RAD51B: variants seen among roughly 807,000 people sequenced by gnomAD.
The protein encoded by RAD51B is RAD51 paralog B.
In RAD51B, 38 loss-of-function variants were observed where a neutral mutation model predicts 42.2. That is an observed-to-expected ratio of 0.90 (90% CI 0.70 to 1.18). The LOEUF (loss-of-function observed/expected upper bound fraction) is 1.18, where lower values mean the gene tolerates loss of function less well. Among genes scored for constraint, RAD51B ranks in the 50% most tolerant of loss-of-function variants. The probability of loss-of-function intolerance (pLI) is 0.00; values close to 1 mark genes in which losing one functional copy is unlikely to be tolerated. For missense variants in RAD51B, 373 were observed against 400.7 expected, an observed-to-expected ratio of 0.93 and a Z score of 0.59; for synonymous variants, 154 against 145.2, an observed-to-expected ratio of 1.06 and a Z score of -0.43.
At chr14:68,075,110 C>T (rs146435760) in intron 7 of RAD51B, among the ~76,000 whole-genome samples, 3 of 152,280 alleles carry the variant, frequency 2.0e-5, no homozygotes, top group African/African-American at 4.8e-5. Context: ...GGCTCCACCC[C>T]AGAGAAACAC....
chr14:68,286,666 C>T (rs1054927654), intron 7 of RAD51B, among the ~76,000 whole-genome samples: 2 of 152,214 alleles, frequency 1.3e-5, no homozygotes, highest in African/African-American at 4.8e-5. Context: ...CCTTCCACCC[C>T]ACCAAAGATA....
At chr14:68,627,121 C>G (rs933708026) in intron 10 of RAD51B, 6 of 152,186 alleles carry the variant, frequency 3.9e-5, no homozygotes, top group African/African-American at 1.4e-4. Context: ...TTACATCATC[C>G]TAACTAACCA....
At chr14:68,593,922 G>A (rs951324618) in intron 10 of RAD51B, among the ~76,000 whole-genome samples, 3 of 152,258 alleles carry the variant, frequency 2.0e-5, no homozygotes, top group African/African-American at 7.2e-5. Context: ...AGCCAGTGTC[G>A]GATCAGCTCA....
At chr14:68,179,551 T>C (rs909607032) in intron 7 of RAD51B, among the ~76,000 whole-genome samples, 9 of 152,102 alleles carry the variant, frequency 5.9e-5, no homozygotes, top group Admixed American at 2.6e-4. Context: ...TCCGTAAATG[T>C]TTGGAACTTA....
At chr14:68,118,066 A>G (rs1239557040) in intron 7 of RAD51B, among the ~76,000 whole-genome samples, 1 of 152,214 alleles carries the variant, frequency 6.6e-6, no homozygotes, top group Non-Finnish European at 1.5e-5. Context: ...AATCAGTTCT[A>G]TAATTTAAAA....
At chr14:68,379,308 T>C (rs1236674875) in intron 8 of RAD51B, among the ~76,000 whole-genome samples, 1 of 152,234 alleles carries the variant, frequency 6.6e-6, no homozygotes, top group African/African-American at 2.4e-5. Context: ...TAATTTTTGC[T>C]AATAGATTTT....
chr14:68,682,963 G>A (rs1423260069), intron 11 of RAD51B: 2 of 1,005,906 alleles, frequency 2.0e-6, no homozygotes, highest in African/African-American at 3.6e-5. Context: ...TCTGAAAGGG[G>A]AAGGAAGCCA....
At chr14:68,214,028 G>T (rs1470165560) in intron 7 of RAD51B, among the ~76,000 whole-genome samples, 1 of 152,114 alleles carries the variant, frequency 6.6e-6, no homozygotes, top group Non-Finnish European at 1.5e-5. Context: ...AGAGAATGTG[G>T]CCTGATCTGT....
chr14:68,378,510 A>C (rs767202806), intron 8 of RAD51B, among the ~76,000 whole-genome samples: 5 of 152,194 alleles, frequency 3.3e-5, no homozygotes, highest in Non-Finnish European at 7.3e-5. Context: ...TCAGATGCCC[A>C]AGTCCCTTAT....
chr14:68,305,075 A>T (rs1178984620), intron 8 of RAD51B, among the ~76,000 whole-genome samples: 1 of 152,240 alleles, frequency 6.6e-6, no homozygotes, highest in Non-Finnish European at 1.5e-5. Flanking sequence ...TAGAATTTTT[A>T]AAATATGAAG....
rs748838228 is a variant in RAD51B at position 67,907,277 on chromosome 14, C to T, written c.756+20073C>T. On this transcript the variant is annotated intron_variant, in intron 7 of 10. Transcript: ENST00000471583. ...GTTATTTCTTGTCTTCTGCTAGCTT[C>T]GGAGTTGGTATGCTCTTGTTTTTTT... Among the ~76,000 whole-genome samples the T allele has an allele frequency of 4.6e-5, 7 of 151,948 alleles. 1 individual carries two copies. The highest frequency in any genetic ancestry group is 9.7e-5 in the African/African-American group (4 of 41,320).
At chr14:68,407,117 A>G (rs1249094814) in intron 8 of RAD51B, among the ~76,000 whole-genome samples, 2 of 152,228 alleles carry the variant, frequency 1.3e-5, no homozygotes, top group Non-Finnish European at 2.9e-5. Flanking sequence ...GATTAAAAAA[A>G]GTATAGTAAG....
intron 7 of RAD51B, among the ~76,000 whole-genome samples, chr14:68,254,564 C>T (rs2080710972): frequency 6.6e-6 from 1 of 152,186 alleles, no homozygotes; most frequent in African/African-American, 2.4e-5. Flanking sequence ...ATACGCATCA[C>T]TACTTTGACA....
At chr14:68,259,101 G>A (rs959137593) in intron 7 of RAD51B, among the ~76,000 whole-genome samples, 4 of 152,200 alleles carry the variant, frequency 2.6e-5, no homozygotes, top group Non-Finnish European at 5.9e-5. Flanking sequence ...TGTGAGACAT[G>A]TCAGTGATTG....
chr14:68,520,986 A>T (rs1248821665), intron 10 of RAD51B, among the ~76,000 whole-genome samples: 2 of 152,136 alleles, frequency 1.3e-5, no homozygotes, highest in Non-Finnish European at 2.9e-5. Flanking sequence ...GGCAGGGGGT[A>T]GGGGTAAGGG....
chr14:68,594,118 AC>A (rs1311934135), intron 10 of RAD51B, among the ~76,000 whole-genome samples: 1 of 114,568 alleles, frequency 8.7e-6, no homozygotes, highest in Non-Finnish European at 1.8e-5. Flanking sequence ...TGATTCCCCC[AC>A]CCCCCGTGCT....
Position 68,385,114 on chromosome 14 carries a change from C to G in RAD51B, c.854-26310C>G, listed in dbSNP as rs542522747. On this transcript the variant is annotated intron_variant, in intron 8 of 10. Coordinates refer to ENST00000471583, the MANE Select transcript of RAD51B (RefSeq NM_133510.4). ...TTCGGACACCACATTGTGTTAATCCCCACTTCCCTGGCTCTGAGCTTGGTC... is the reference window on the plus strand; with the variant it reads ...TTCGGACACCACATTGTGTTAATCCGCACTTCCCTGGCTCTGAGCTTGGTC... Among the ~76,000 whole-genome samples, 24 of 151,974 alleles carry G rather than the reference C, an allele frequency of 1.6e-4. No individual in the cohort carries two copies. In the South Asian group the frequency reaches 4.8e-3, roughly 30 times the overall value.
At chr14:67,873,045 TA>T (rs1274559373) in intron 5 of RAD51B, among the ~76,000 whole-genome samples, 1 of 152,174 alleles carries the variant, frequency 6.6e-6, no homozygotes, top group African/African-American at 2.4e-5. Context: ...ACTTCATGTC[TA>T]AAACACTTAA....
At chr14:68,594,739 G>T in exon 11 of RAD51B, 1 of 1,264,184 alleles carries the variant, frequency 7.9e-7, no homozygotes, top group African/African-American at 1.5e-5. Flanking sequence ...TGAGAATTTT[G>T]TCCTTAGCAA....
Sources: allele counts gnomAD v4.1 joint callset (sites outside exome capture counted in the v4.1 genomes callset), GRCh38; gene constraint gnomAD v4.1.1; transcripts MANE v1.5; gene names NCBI Gene and HGNC (gene_info 2026-07-23, HGNC 2026-07-21).